The following TRPM3 variants were observed in gnomAD, a reference collection of about 807,000 sequenced individuals.
TRPM3 encodes transient receptor potential cation channel subfamily M member 3.
A neutral mutation model predicts 181.2 loss-of-function variants in TRPM3; 77 were observed. The observed-to-expected ratio is 0.42, with a 90% CI of 0.35 to 0.51. TRPM3 has a LOEUF of 0.51. TRPM3 is among the 20% of genes least tolerant of loss of function. The pLI is 0.01. For synonymous variants in TRPM3, 745 were observed against 796.4 expected (o/e 0.94, Z 1.09); for missense variants, 1,759 against 2,196.7 (o/e 0.80, Z 3.98).
intron 3 of TRPM3, among the ~76,000 whole-genome samples, chr9:70,862,046 G>A (rs532726527): frequency 6.6e-6 from 1 of 152,110 alleles, no homozygotes; most frequent in Non-Finnish European, 1.5e-5. Context: ...TTCATGTGAG[G>A]TGACTTCCCT....
rs1480162738 is a variant in TRPM3, at chr9:70,848,955, C to T, written c.463-2364G>A. On this transcript the variant is annotated intron_variant, in intron 3 of 25. Transcript: ENST00000677713. ...TCGCGCCACTGCACTCCAGCCTGGG[C>T]GACAGAGCGAGACTCCGTCTCAAAA... Among the ~76,000 whole-genome samples the T allele has an allele frequency of 1.9e-4, 4 of 21,062 alleles. 2 individuals are homozygous for T. Among genetic ancestry groups the T allele is most frequent in the Non-Finnish European group, 3.7e-4 (4 of 10,874 alleles). The allele number at this position is 21,062 out of a possible 152,430, so 13.8% of individuals were successfully genotyped here.
At chr9:71,044,165 A>C (rs927330922) in intron 1 of TRPM3, among the ~76,000 whole-genome samples, 3 of 152,080 alleles carry the variant, frequency 2.0e-5, no homozygotes, top group Admixed American at 1.3e-4. Flanking sequence ...AAGACTTTTA[A>C]AATTTTATTT....
intron 1 of TRPM3, among the ~76,000 whole-genome samples, chr9:71,289,697 G>A (rs934616997): frequency 5.9e-5 from 9 of 151,712 alleles, no homozygotes; most frequent in Middle Eastern, 3.4e-3. Context: ...GTGAAATGTC[G>A]TCTCTACTAA....
At chr9:71,174,077 G>C (rs1401416803) in intron 1 of TRPM3, among the ~76,000 whole-genome samples, 1 of 152,174 alleles carries the variant, frequency 6.6e-6, no homozygotes, top group Admixed American at 6.5e-5. Context: ...GCATATGTCT[G>C]TACGAGTATT....
chr9:70,606,171 C>CT (rs1413321179), intron 19 of TRPM3, among the ~76,000 whole-genome samples: 1 of 152,148 alleles, frequency 6.6e-6, no homozygotes, highest in African/African-American at 2.4e-5. Flanking sequence ...CTTATAGGGC[C>CT]TTTATAATGA....
chr9:70,623,925 G>T (rs900445026), intron 14 of TRPM3, among the ~76,000 whole-genome samples: 3 of 152,066 alleles, frequency 2.0e-5, no homozygotes, highest in Non-Finnish European at 4.4e-5. Flanking sequence ...ATGGACTAAG[G>T]TTATGTAGAC....
rs1406656334 is a variant in TRPM3 at position 70,621,259 on chromosome 9, T to C, written c.1824A>G (p.Lys608=). Residue 608 remains lysine (K), a synonymous_variant, in exon 15 of 26, where the codon AAA becomes AAG. Coordinates refer to ENST00000677713, the MANE Select transcript of TRPM3 (RefSeq NM_001366145.2). ...AAACACTTACCTCCATTCCCAGCAG[T>C]TTCAAGGCTTTGGGCTGTTAAAAAA... The part of the protein sequence containing the change: ...LFGPKRPKAL[K]LLGMEDDIPL... 2.5e-6 allele frequency: 4 copies of C among 1,600,860 alleles called. No homozygotes were observed. Among genetic ancestry groups the C allele is most frequent in the African/African-American group, 1.3e-5 (1 of 74,254 alleles).
At chr9:71,224,872 G>T (rs1345744426) in intron 1 of TRPM3, among the ~76,000 whole-genome samples, 1 of 151,954 alleles carries the variant, frequency 6.6e-6, no homozygotes, top group African/African-American at 2.4e-5. Flanking sequence ...TCAGCAGAAA[G>T]AAAAAATTAG....
intron 1 of TRPM3, among the ~76,000 whole-genome samples, chr9:71,293,009 G>T (rs1282890071): frequency 1.3e-5 from 2 of 151,884 alleles, no homozygotes; most frequent in Non-Finnish European, 2.9e-5. Context: ...ATCCAGAAAT[G>T]TAAGTCAACA....
intron 1 of TRPM3, among the ~76,000 whole-genome samples, chr9:71,166,523 G>A (rs2076549765): frequency 6.6e-6 from 1 of 152,020 alleles, no homozygotes; most frequent in Non-Finnish European, 1.5e-5. Flanking sequence ...GAAAAGAAGA[G>A]AACTTCAAAT....
chr9:71,178,245 G>A (rs2077214437), intron 1 of TRPM3, among the ~76,000 whole-genome samples: 1 of 152,024 alleles, frequency 6.6e-6, no homozygotes, highest in South Asian at 2.1e-4. Flanking sequence ...TAAAATACAA[G>A]AGAAATAGAG....
At chr9:71,141,688 T>A (rs2075108119) in intron 1 of TRPM3, among the ~76,000 whole-genome samples, 1 of 152,198 alleles carries the variant, frequency 6.6e-6, no homozygotes, top group Non-Finnish European at 1.5e-5. Flanking sequence ...GAGGCTTGAA[T>A]GACGGGATTA....
At chr9:70,791,635 T>A (rs1028879) in intron 6 of TRPM3, among the ~76,000 whole-genome samples, 3 of 152,044 alleles carry the variant, frequency 2.0e-5, no homozygotes, top group Non-Finnish European at 4.4e-5. Context: ...TATCTTGGCA[T>A]GTGAAATTTT....
chr9:71,134,500 C>G (rs888494313), intron 1 of TRPM3, among the ~76,000 whole-genome samples: 3 of 132,266 alleles, frequency 2.3e-5, no homozygotes, highest in African/African-American at 8.7e-5. Flanking sequence ...TGCAGTGAGC[C>G]AAGATCGTGA....
intron 1 of TRPM3, among the ~76,000 whole-genome samples, chr9:71,052,816 G>T (rs187279922): frequency 6.6e-6 from 1 of 151,860 alleles, no homozygotes; most frequent in Non-Finnish European, 1.5e-5. Flanking sequence ...CAAGCAAAGC[G>T]TATCTCACTT....
chr9:70,928,541 T>C (rs1035875960), intron 1 of TRPM3, among the ~76,000 whole-genome samples: 4 of 152,138 alleles, frequency 2.6e-5, no homozygotes, highest in Non-Finnish European at 5.9e-5. Flanking sequence ...CACAAAATAG[T>C]TGAGACAATA....
At chr9:71,316,986 A>G (rs911515928) in intron 1 of TRPM3, among the ~76,000 whole-genome samples, 1 of 152,152 alleles carries the variant, frequency 6.6e-6, no homozygotes, top group East Asian at 1.9e-4. Context: ...TTGAATTCCT[A>G]ACTTTTTGAG....
intron 1 of TRPM3, among the ~76,000 whole-genome samples, chr9:71,282,809 C>G (rs1292642540): frequency 6.6e-6 from 1 of 152,128 alleles, no homozygotes; most frequent in African/African-American, 2.4e-5. Context: ...GCTGATGTGA[C>G]TAGATATCTT....
intron 1 of TRPM3, among the ~76,000 whole-genome samples, chr9:71,026,905 T>TGCTGCATGGTGGCTGGGG (rs1304938923): frequency 6.6e-6 from 1 of 152,196 alleles, no homozygotes; most frequent in Non-Finnish European, 1.5e-5. Context: ...CCACCACAGA[T>TGCTGCATGGTGGCTGGGG]GCTGCATGGT....
Sources: allele counts gnomAD v4.1 joint callset (sites outside exome capture counted in the v4.1 genomes callset), GRCh38; gene constraint gnomAD v4.1.1; transcripts MANE v1.5; gene names NCBI Gene and HGNC (gene_info 2026-07-23, HGNC 2026-07-21).